The following MAPK4 variants were observed in gnomAD, a reference collection of about 807,000 sequenced individuals.
MAPK4 encodes mitogen-activated protein kinase 4.
Under a neutral mutation model 47.7 loss-of-function variants are expected in MAPK4, and 22 were observed. The observed-to-expected ratio is 0.46, with a 90% CI of 0.33 to 0.66. The LOEUF is 0.66. Among genes scored for constraint, MAPK4 ranks in the 30% least tolerant of loss-of-function variants. The probability of loss-of-function intolerance (pLI) is 0.02; values close to 1 mark genes in which losing one functional copy is unlikely to be tolerated. For missense variants in MAPK4, 736 were observed against 831.7 expected (o/e 0.88, Z 1.42); for synonymous variants, 390 against 365.7 (o/e 1.07, Z -0.76).
At chr18:50,591,406 T>C (rs1220621910) in intron 1 of MAPK4, among the ~76,000 whole-genome samples, 2 of 152,042 alleles carry the variant, frequency 1.3e-5, no homozygotes, top group Non-Finnish European at 2.9e-5. Context: ...CCAACAGCTG[T>C]ATCTTGAAGT....
At chr18:50,578,275 CCG>C (rs1297701848) in intron 1 of MAPK4, among the ~76,000 whole-genome samples, 3 of 152,222 alleles carry the variant, frequency 2.0e-5, no homozygotes, top group Non-Finnish European at 4.4e-5. Flanking sequence ...GGAATCTGAG[CCG>C]CTTCTAATGG....
chr18:50,581,022 A>G (rs1384868119), intron 1 of MAPK4, among the ~76,000 whole-genome samples: 1 of 152,112 alleles, frequency 6.6e-6, no homozygotes, highest in East Asian at 1.9e-4. Context: ...TGATGCCTGT[A>G]TTCATCCTCA....
intron 2 of MAPK4, among the ~76,000 whole-genome samples, chr18:50,671,889 CAAAA>C (rs745534670): frequency 9.6e-6 from 1 of 104,206 alleles, no homozygotes; most frequent in Non-Finnish European, 2.0e-5. Context: ...GACCCTGACT[CAAAA>C]AAAAAAAAAA....
chr18:50,592,666 A>G (rs1598804985), intron 1 of MAPK4, among the ~76,000 whole-genome samples: 1 of 152,356 alleles, frequency 6.6e-6, no homozygotes. Context: ...TTATTGATTG[A>G]TCAAAGTAAA....
At chr18:50,573,895 A>G (rs538443253) in intron 1 of MAPK4, among the ~76,000 whole-genome samples, 88 of 152,228 alleles carry the variant, frequency 5.8e-4, no homozygotes, top group African/African-American at 2.0e-3. Flanking sequence ...GCTGTCTGGT[A>G]TTTTGAGCCA....
chr18:50,576,357 G>T (rs1344098916), intron 1 of MAPK4, among the ~76,000 whole-genome samples: 1 of 152,166 alleles, frequency 6.6e-6, no homozygotes, highest in African/African-American at 2.4e-5. Flanking sequence ...GATGGAGCTG[G>T]AGGCCATTAT....
rs1908405344 is a variant in MAPK4 at position 50,678,535 on chromosome 18, T to C, written c.546+14031T>C. 6.6e-6 allele frequency among the ~76,000 whole-genome samples: 1 copy of C among 152,150 alleles called. No homozygotes were observed. Among genetic ancestry groups the C allele is most frequent in the South Asian group, 2.1e-4 (1 of 4,810 alleles). ...AGCGGGCCCTGTCTTCCCAGAGGTG[T>C]TCACTCAAGGGTCCACCAGCGACTT... On this transcript the variant is annotated intron_variant, in intron 2 of 5. Coordinates refer to ENST00000400384, the MANE Select transcript of MAPK4 (RefSeq NM_002747.4). The surrounding 1 kb of genome is among the most constrained non-coding windows in gnomAD (Gnocchi z 4.2).
intron 2 of MAPK4, among the ~76,000 whole-genome samples, chr18:50,697,418 A>C (rs894766): frequency 0.43 from 65,929 of 151,926 alleles, 16,185 homozygotes; most frequent in Non-Finnish European, 0.55. Flanking sequence ...GATATTTGCT[A>C]CATTAATAAT....
At chr18:50,588,386 A>G (rs7228129) in intron 1 of MAPK4, among the ~76,000 whole-genome samples, 31,865 of 152,016 alleles carry the variant, frequency 0.21, 3,474 homozygotes, top group East Asian at 0.36. Context: ...GTAGTTGGAC[A>G]TCTTTCATAG....
At chr18:50,723,122 A>G (rs1299369243) in intron 4 of MAPK4, among the ~76,000 whole-genome samples, 1 of 152,134 alleles carries the variant, frequency 6.6e-6, no homozygotes, top group Non-Finnish European at 1.5e-5. Context: ...TTCATTGTTT[A>G]CTTCACTTCC....
intron 2 of MAPK4, among the ~76,000 whole-genome samples, chr18:50,691,921 G>C (rs1194254702): frequency 6.6e-6 from 1 of 152,148 alleles, no homozygotes; most frequent in African/African-American, 2.4e-5. Flanking sequence ...TGAGCACTCA[G>C]ATCTACACTT....
intron 1 of MAPK4, among the ~76,000 whole-genome samples, chr18:50,599,387 T>C (rs1339268489): frequency 6.6e-6 from 1 of 152,218 alleles, no homozygotes; most frequent in African/African-American, 2.4e-5. Context: ...ATCCATGAAA[T>C]CTATGTCTAT....
At chr18:50,626,087 G>C (rs778529325) in intron 1 of MAPK4, among the ~76,000 whole-genome samples, 1 of 152,118 alleles carries the variant, frequency 6.6e-6, no homozygotes, top group Non-Finnish European at 1.5e-5. Flanking sequence ...TCTCACTCAG[G>C]GGAAGTCCTT....
intron 4 of MAPK4, among the ~76,000 whole-genome samples, chr18:50,725,675 C>T (rs62092231): frequency 0.1 from 15,790 of 152,222 alleles, 878 homozygotes; most frequent in Middle Eastern, 0.14. Context: ...AACCCTAAGC[C>T]TTGTCTCTGG....
chr18:50,723,950 A>G (rs1021145211), intron 4 of MAPK4, among the ~76,000 whole-genome samples: 1 of 151,722 alleles, frequency 6.6e-6, no homozygotes, highest in Admixed American at 6.6e-5. Flanking sequence ...ATCAGCTGTC[A>G]GGGAGAGGGA....
intron 2 of MAPK4, among the ~76,000 whole-genome samples, chr18:50,704,184 C>G (rs1377113309): frequency 1.3e-5 from 2 of 152,146 alleles, no homozygotes; most frequent in African/African-American, 4.8e-5. Context: ...GCCCTCCAGA[C>G]CCATCTAAGT....
intron 1 of MAPK4, among the ~76,000 whole-genome samples, chr18:50,601,311 G>T (rs1353247961): frequency 6.9e-6 from 1 of 144,388 alleles, no homozygotes; most frequent in African/African-American, 2.6e-5. Context: ...TCCAGCCTGG[G>T]TGAGAGAGCA....
At chr18:50,692,205 A>G (rs1909256946) in intron 2 of MAPK4, among the ~76,000 whole-genome samples, 1 of 152,226 alleles carries the variant, frequency 6.6e-6, no homozygotes, top group African/African-American at 2.4e-5. Context: ...TCCAGAAGCC[A>G]CACTGCCTCA....
intron 1 of MAPK4, among the ~76,000 whole-genome samples, chr18:50,638,554 A>T (rs183264520): frequency 3.3e-5 from 5 of 152,354 alleles, no homozygotes; most frequent in Admixed American, 3.3e-4. Flanking sequence ...GAGACCACCT[A>T]TCCAAAGTCA....
Sources: gnomAD v4.1 joint callset for allele counts (sites outside exome capture counted in the v4.1 genomes callset) on GRCh38, gnomAD v4.1.1 for gene constraint, Gnocchi (gnomAD v3.1) non-coding constraint, MANE v1.5 for transcripts, NCBI Gene and HGNC (gene_info 2026-07-23, HGNC 2026-07-21) for gene names.